ZNF560: variants seen among roughly 807,000 people sequenced by gnomAD.
ZNF560 encodes the protein zinc finger protein 560.
A neutral mutation model predicts 81.8 loss-of-function variants in ZNF560; 54 were observed. That is an observed-to-expected ratio of 0.66 (90% CI 0.53 to 0.83). The LOEUF (loss-of-function observed/expected upper bound fraction) is 0.83, where lower values mean the gene tolerates loss of function less well. Ranked by LOEUF, ZNF560 falls within the 40% of genes least tolerant of loss-of-function variation. The probability of loss-of-function intolerance (pLI) is 0.00; values close to 1 mark genes in which losing one functional copy is unlikely to be tolerated. For synonymous variants in ZNF560, 321 were observed against 317.9 expected (o/e 1.01, Z -0.10); for missense variants, 940 against 932.4 (o/e 1.01, Z -0.11).
At chr19:9,445,930 A>G in the ZNF560 span, among the ~76,000 whole-genome samples, 3 of 152,286 alleles carry the variant, frequency 2.0e-5, no homozygotes, top group East Asian at 3.9e-4. Flanking sequence ...CTCAAAGTCT[A>G]TGGTATGTCT....
chr19:9,466,376 T>C lies in ZNF560; in HGVS notation c.*198A>G. ...AAAAAGAGAGAGAGAAGAACTAGTG[T>C]TTTCCTACATCCCTTACATTTACAG... On this transcript the variant is annotated 3_prime_UTR_variant, in exon 10 of 10. Coordinates refer to ENST00000301480, the MANE Select transcript of ZNF560 (RefSeq NM_152476.3). The C allele has an allele frequency of 7.7e-6, 4 of 519,878 alleles. No homozygotes were observed. Among genetic ancestry groups the C allele is most frequent in the Non-Finnish European group, 9.9e-6 (3 of 302,118 alleles). 32.2% of individuals were successfully genotyped at this position (519,878 alleles called of 1,614,324 possible).
At chr19:9,503,431 T>G (rs2073647638), upstream of ZNF560, among the ~76,000 whole-genome samples, 1 of 152,220 alleles carries the variant, frequency 6.6e-6, no homozygotes, top group Non-Finnish European at 1.5e-5. Context: ...ATTCAATGTC[T>G]CAGGAGGGCC....
upstream of ZNF560, among the ~76,000 whole-genome samples, chr19:9,499,146 A>AT (rs201529976): frequency 1.3e-3 from 198 of 151,668 alleles, no homozygotes; most frequent in African/African-American, 4.6e-3. Flanking sequence ...AAATATTGCA[A>AT]TTTTTTTCTT....
the ZNF560 span, among the ~76,000 whole-genome samples, chr19:9,447,405 A>G: frequency 2.0e-5 from 3 of 152,126 alleles, no homozygotes; most frequent in Non-Finnish European, 2.9e-5. Context: ...AGGCACAGAG[A>G]TGACAGGTGG....
At chr19:9,496,673 C>T (rs1241716663) in intron 2 of ZNF560, among the ~76,000 whole-genome samples, 1 of 151,586 alleles carries the variant, frequency 6.6e-6, no homozygotes, top group Non-Finnish European at 1.5e-5. Flanking sequence ...TGCAGTGGCT[C>T]ACGCCTGTAA....
chr19:9,474,514 T>G (rs1048507801), intron 3 of ZNF560, among the ~76,000 whole-genome samples, 189 bp from the exon 4 acceptor site: 10 of 152,164 alleles, frequency 6.6e-5, no homozygotes, highest in African/African-American at 2.4e-4. Flanking sequence ...TACTTAACAA[T>G]TCCAGTTGTA....
chr19:9,468,371 T>G, intron 9 of ZNF560, 37 bp from the exon 10 acceptor site: 1 of 1,477,514 alleles, frequency 6.8e-7, no homozygotes, highest in Non-Finnish European at 9.1e-7. Flanking sequence ...GGAAGCATTT[T>G]AGCAGACTTA....
At chr19:9,497,176 T>C (rs1287921297) in intron 2 of ZNF560, among the ~76,000 whole-genome samples, 5 of 152,020 alleles carry the variant, frequency 3.3e-5, no homozygotes, top group African/African-American at 9.7e-5. Context: ...CATTCCGTTA[T>C]ATTTTAGAAG....
intron 2 of ZNF560, among the ~76,000 whole-genome samples, chr19:9,493,036 A>G (rs1193681024): frequency 6.6e-6 from 1 of 152,234 alleles, no homozygotes; most frequent in Non-Finnish European, 1.5e-5. Flanking sequence ...TATTAACTGA[A>G]GGGATTAATC....
At chr19:9,452,809 A>G in the ZNF560 span, among the ~76,000 whole-genome samples, 1 of 152,228 alleles carries the variant, frequency 6.6e-6, no homozygotes, top group Admixed American at 6.5e-5. Context: ...TACTATGCTT[A>G]CCACTTGGGT....
the ZNF560 span, among the ~76,000 whole-genome samples, chr19:9,455,826 A>T: frequency 2.0e-5 from 3 of 152,174 alleles, no homozygotes; most frequent in Non-Finnish European, 2.9e-5. Flanking sequence ...TACTCTGTTA[A>T]TGCAAGCCAT....
At chr19:9,503,377 T>C (rs1172218859), upstream of ZNF560, among the ~76,000 whole-genome samples, 1 of 152,138 alleles carries the variant, frequency 6.6e-6, no homozygotes, top group East Asian at 1.9e-4. Context: ...ATTTTTTTCT[T>C]ATAGCTCTAG....
rs767058232 is a variant in ZNF560, at chr19:9,467,000, A to C, written c.1947T>G (p.Thr649=). ...VSSSLVDHLR[T]HTGYKPYKCN... is the part of the protein sequence containing the mutation. ...ATTTATAGGGTTTATATCCAGTGTGAGTTCTTAAATGATCAACTAGACTGG... is the reference window on the plus strand; with the variant it reads ...ATTTATAGGGTTTATATCCAGTGTGCGTTCTTAAATGATCAACTAGACTGG... The change falls in exon 10 of 10, where the codon ACT becomes ACG. Residue 649 remains threonine (T), a synonymous_variant. Transcript: ENST00000301480. 58 of 1,613,986 alleles carry C rather than the reference A, an allele frequency of 3.6e-5. 2 individuals carry two copies. In the Middle Eastern group the frequency reaches 7.1e-3, roughly 197 times the overall value.
At chr19:9,496,390 T>A (rs1422820361) in intron 2 of ZNF560, among the ~76,000 whole-genome samples, 1 of 151,528 alleles carries the variant, frequency 6.6e-6, no homozygotes, top group Non-Finnish European at 1.5e-5. Context: ...TATATATTTT[T>A]GTATTTTGTA....
chr19:9,457,932 A>G, the ZNF560 span, among the ~76,000 whole-genome samples: 1 of 152,290 alleles, frequency 6.6e-6, no homozygotes, highest in South Asian at 2.1e-4. Flanking sequence ...ATAAGGCCCA[A>G]ATAAATAGAA....
Position 9,467,455 on chromosome 19 carries a change from C to G in ZNF560, c.1492G>C (p.Val498Leu), listed in dbSNP as rs759392530. The G allele has an allele frequency of 6.2e-7, 1 of 1,613,896 alleles. No homozygotes were observed. The highest frequency in any genetic ancestry group is 1.7e-5 in the Admixed American group (1 of 59,986). Residue 498 changes from valine to leucine, a missense_variant, in exon 10 of 10, where the codon GTT becomes CTT. By Grantham distance (32) the Val-to-Leu change is conservative. Transcript: ENST00000301480. ...TGAGCAAAAAGAGATGAGAAAGAAA[C>G]AAAGACTTTCCCACACTGGTCACAA... ...FDCDQCGKVF[V>L]SFSSLFAHLR...
downstream of ZNF560, among the ~76,000 whole-genome samples, chr19:9,465,208 G>GT (rs986280625): frequency 2.1e-5 from 3 of 143,254 alleles, no homozygotes; most frequent in Non-Finnish European, 4.5e-5. Context: ...TTGGCTAACT[G>GT]TAACCTCTGC....
intron 2 of ZNF560, among the ~76,000 whole-genome samples, chr19:9,482,186 A>G (rs1476444966): frequency 6.6e-6 from 1 of 151,924 alleles, no homozygotes; most frequent in Admixed American, 6.6e-5. Flanking sequence ...AAAAAACCAA[A>G]CACAGCATGT....
chr19:9,471,200 T>C, intron 6 of ZNF560, 96 bp downstream of exon 6: 1 of 875,482 alleles, frequency 1.1e-6, no homozygotes, highest in Non-Finnish European at 1.7e-6. Context: ...GAGTGAATGC[T>C]ATTCCTCTCA....
Sources: allele counts gnomAD v4.1 joint callset (sites outside exome capture counted in the v4.1 genomes callset), GRCh38; gene constraint gnomAD v4.1.1; transcripts MANE v1.5; gene names NCBI Gene and HGNC (gene_info 2026-07-23, HGNC 2026-07-21).